Variants in PCDH15 observed in about 807,000 individuals in gnomAD.
PCDH15 encodes protocadherin-15.
A neutral mutation model predicts 178.5 loss-of-function variants in PCDH15; 129 were observed. The ratio of observed to expected loss-of-function variants is 0.72; its 90% CI spans 0.63 to 0.84. PCDH15 has a LOEUF of 0.84. Among genes scored for constraint, PCDH15 ranks in the 40% least tolerant of loss-of-function variants. The probability of loss-of-function intolerance (pLI) is 0.00; values close to 1 mark genes in which losing one functional copy is unlikely to be tolerated. For missense variants in PCDH15, 2,230 were observed against 2,099.9 expected, an observed-to-expected ratio of 1.06 and a Z score of -1.21; for synonymous variants, 800 against 732.0, an observed-to-expected ratio of 1.09 and a Z score of -1.50.
intron 21 of PCDH15, among the ~76,000 whole-genome samples, chr10:53,971,415 A>G (rs940905297): frequency 6.6e-6 from 1 of 152,182 alleles, no homozygotes; most frequent in African/African-American, 2.4e-5. Context: ...CTTATTCAAC[A>G]TAGTGTTGGA....
At chr10:55,341,801 ATATATTTTTTTTTTT>A (rs1270439625) in intron 2 of PCDH15, among the ~76,000 whole-genome samples, 335 of 10,936 alleles carry the variant, frequency 0.031, no homozygotes, top group Non-Finnish European at 0.037. Flanking sequence ...ATATATATAT[ATATATTTTTTTTTTT>A]TTTTTTTTTT....
chr10:53,909,026 G>A (rs2926401), intron 25 of PCDH15, among the ~76,000 whole-genome samples: 16,024 of 152,236 alleles, frequency 0.11, 1,002 homozygotes, highest in African/African-American at 0.17. Flanking sequence ...TAGGTGATAT[G>A]GTTTGGCTCT....
chr10:54,504,338 C>T, intron 3 of PCDH15, among the ~76,000 whole-genome samples: 1 of 152,066 alleles, frequency 6.6e-6, no homozygotes, highest in East Asian at 1.9e-4. Flanking sequence ...TGGAAAATTG[C>T]TACAAATTCC....
intron 13 of PCDH15, among the ~76,000 whole-genome samples, chr10:54,167,021 C>A (rs372865453): frequency 3.3e-4 from 51 of 152,310 alleles, no homozygotes; most frequent in South Asian, 6.2e-4. Context: ...TATCTCCCTT[C>A]GCTGACTCTC....
chr10:55,159,075 C>T (rs1247548601), intron 2 of PCDH15, among the ~76,000 whole-genome samples: 2 of 151,892 alleles, frequency 1.3e-5, no homozygotes, highest in African/African-American at 4.8e-5. Context: ...TCCTCAGTGG[C>T]TAAATGACTT....
At chr10:55,184,674 T>A (rs1355426192) in intron 1 of PCDH15, among the ~76,000 whole-genome samples, 5 of 151,916 alleles carry the variant, frequency 3.3e-5, no homozygotes, top group African/African-American at 1.2e-4. Flanking sequence ...AATAAAGATT[T>A]AACACATACA....
At chr10:54,878,960 T>C (rs565362536) in intron 3 of PCDH15, among the ~76,000 whole-genome samples, 1 of 152,200 alleles carries the variant, frequency 6.6e-6, no homozygotes, top group Non-Finnish European at 1.5e-5. Flanking sequence ...TTCGCCGAAT[T>C]ATTATTTTAT....
At chr10:54,227,987 G>A (rs1317638351) in intron 9 of PCDH15, among the ~76,000 whole-genome samples, 3 of 152,030 alleles carry the variant, frequency 2.0e-5, no homozygotes, top group Admixed American at 6.5e-5. Flanking sequence ...AAAGCCATTC[G>A]GTAAGTCTCT....
At chr10:54,759,317 T>C (rs1947565407) in intron 1 of PCDH15, among the ~76,000 whole-genome samples, 1 of 152,124 alleles carries the variant, frequency 6.6e-6, no homozygotes, top group Non-Finnish European at 1.5e-5. Context: ...TTTCCTAAAT[T>C]TGCTGTGAAC....
At chr10:53,958,011 G>A (rs929522827) in intron 23 of PCDH15, among the ~76,000 whole-genome samples, 20 of 152,050 alleles carry the variant, frequency 1.3e-4, no homozygotes, top group Middle Eastern at 3.4e-3. Context: ...TCTTCTAAAC[G>A]CAGCTTTGTA....
intron 2 of PCDH15, among the ~76,000 whole-genome samples, chr10:55,409,935 TAACTC>T (rs1248363207): frequency 6.6e-6 from 1 of 152,142 alleles, no homozygotes; most frequent in Non-Finnish European, 1.5e-5. Context: ...AGGCTATAAT[TAACTC>T]AACTCTCTGA....
chr10:54,195,781 A>AAT lies in PCDH15; in HGVS notation c.1206_1207insAT (p.Tyr403IlefsTer19). On this transcript the variant is annotated frameshift_variant, in exon 11 of 38. Coordinates refer to ENST00000644397, the MANE Select transcript of PCDH15 (RefSeq NM_001384140.1). LOFTEE classifies it high-confidence loss of function. The stretch of plus-strand genomic sequence containing the variant: ...CCCACTGGGGCAGATTCCAGGATAT[A>AAT]GCCTTGATAACTGGGCATTGTAAAA... 1 of 1,614,056 alleles carries AAT rather than the reference A, an allele frequency of 6.2e-7. No individual in the cohort carries two copies. The highest frequency in any genetic ancestry group is 8.5e-7 in the Non-Finnish European group (1 of 1,179,920).
Position 54,234,130 on chromosome 10 carries a change from T to TTGTGTGTG in PCDH15, c.985+2692_985+2693insCACACACA, listed in dbSNP as rs1491388308. Among the ~76,000 whole-genome samples, 344 of 103,194 alleles carry TTGTGTGTG rather than the reference T, an allele frequency of 3.3e-3. 2 individuals carry two copies. Among genetic ancestry groups the TTGTGTGTG allele is most frequent in the African/African-American group, 0.012 (312 of 24,990 alleles). 67.7% of individuals were successfully genotyped at this position (103,194 alleles called of 152,430 possible). The stretch of plus-strand genomic sequence containing the variant: ...TGAAGTCAGAGTCATGGATATCCCC[T>TTGTGTGTG]TCTGTGTGTGTGTGTGTGTGTGTGT... On this transcript the variant is annotated intron_variant, in intron 9 of 37. Coordinates refer to ENST00000644397, the MANE Select transcript of PCDH15 (RefSeq NM_001384140.1).
chr10:54,020,096 A>G, intron 20 of PCDH15, 96 bp downstream of exon 20: 1 of 1,051,280 alleles, frequency 9.5e-7, no homozygotes, highest in South Asian at 1.3e-5. Context: ...GTCATTAGGA[A>G]TTGTTATCAA....
At chr10:53,906,791 C>T (rs1168951735) in intron 25 of PCDH15, 1 of 123,518 alleles carries the variant, frequency 8.1e-6, no homozygotes, top group African/African-American at 3.2e-5. Flanking sequence ...TTACCCCACC[C>T]CTTATTCCTC....
chr10:54,415,068 T>C (rs1269225404), intron 3 of PCDH15, among the ~76,000 whole-genome samples: 1 of 152,056 alleles, frequency 6.6e-6, no homozygotes. Context: ...CATAGAAATG[T>C]TTAAAATGTT....
At chr10:55,430,456 G>A (rs903479121) in intron 2 of PCDH15, among the ~76,000 whole-genome samples, 11 of 152,146 alleles carry the variant, frequency 7.2e-5, no homozygotes, top group Non-Finnish European at 1.5e-4. Context: ...ATATTCAGTA[G>A]AATTTTGGCT....
intron 21 of PCDH15, among the ~76,000 whole-genome samples, chr10:53,977,276 T>C (rs1020940074): frequency 1.3e-5 from 2 of 152,306 alleles, no homozygotes; most frequent in African/African-American, 2.4e-5. Flanking sequence ...AAGAATTATC[T>C]TGTGCCACAC....
At chr10:53,978,677 A>G (rs1328453648) in intron 21 of PCDH15, among the ~76,000 whole-genome samples, 3 of 138,838 alleles carry the variant, frequency 2.2e-5, no homozygotes, top group African/African-American at 5.4e-5. Flanking sequence ...TTTTTTTTCT[A>G]CTGCATCATC....
Sources: gnomAD v4.1 joint callset for allele counts (sites outside exome capture counted in the v4.1 genomes callset) on GRCh38, gnomAD v4.1.1 for gene constraint, MANE v1.5 for transcripts, NCBI Gene and HGNC (gene_info 2026-07-23, HGNC 2026-07-21) for gene names.